NFIC: variants seen among roughly 807,000 people sequenced by gnomAD.
NFIC encodes nuclear factor 1 C-type.
Under a neutral mutation model 54.4 loss-of-function variants are expected in NFIC, and 12 were observed. The observed-to-expected ratio is 0.22, with a 90% CI of 0.14 to 0.36. The LOEUF (loss-of-function observed/expected upper bound fraction) is 0.36. Ranked by LOEUF, NFIC falls within the 10% of genes least tolerant of loss-of-function variation. The pLI is 1.00. For synonymous variants in NFIC, 322 were observed against 319.2 expected (o/e 1.01, Z -0.09); for missense variants, 575 against 718.2 (o/e 0.80, Z 2.28).
chr19:3,454,016 T>C, intron 9 of NFIC, 100 bp downstream of exon 9: 1 of 1,398,314 alleles, frequency 7.2e-7, no homozygotes, highest in Non-Finnish European at 9.2e-7. Flanking sequence ...GGCCCGACCC[T>C]GCAGGGCCTG....
At chr19:3,429,284 ACACACACACACT>A (rs2082083932) in intron 3 of NFIC, among the ~76,000 whole-genome samples, 3 of 141,758 alleles carry the variant, frequency 2.1e-5, no homozygotes, top group African/African-American at 5.4e-5. Context: ...ACACACACAC[ACACACACACACT>A]AGCCAAACAC....
At chr19:3,450,011 C>A (rs552082498) in intron 7 of NFIC, among the ~76,000 whole-genome samples, 1 of 148,736 alleles carries the variant, frequency 6.7e-6, no homozygotes, top group East Asian at 2.0e-4. Context: ...GGCGAGTTCA[C>A]GCCATTGCAC....
At chr19:3,420,923 A>G (rs973336769) in intron 2 of NFIC, among the ~76,000 whole-genome samples, 2 of 152,134 alleles carry the variant, frequency 1.3e-5, no homozygotes, top group East Asian at 1.9e-4. Flanking sequence ...GGGTTTCACC[A>G]TGTGGGGCAG....
intron 2 of NFIC, among the ~76,000 whole-genome samples, chr19:3,408,283 G>A (rs1360322375): frequency 2.0e-5 from 3 of 152,126 alleles, no homozygotes; most frequent in Non-Finnish European, 2.9e-5. Context: ...AGCAAGTCCT[G>A]TCCTTCCTAC....
chr19:3,403,959 G>T (rs2081598569), intron 2 of NFIC, among the ~76,000 whole-genome samples: 1 of 152,158 alleles, frequency 6.6e-6, no homozygotes, highest in Non-Finnish European at 1.5e-5. Context: ...GGGGACGCCC[G>T]TGTGTGCGCT....
rs889608832 is a variant in NFIC at position 3,452,845 on chromosome 19, G to A, written c.1269+179G>A. 2.6e-5 allele frequency among the ~76,000 whole-genome samples: 4 copies of A among 152,316 alleles called. No individual in the cohort carries two copies. The highest frequency in any genetic ancestry group is 1.9e-4 in the East Asian group (1 of 5,180). On this transcript the variant is annotated intron_variant, in intron 8 of 10. Coordinates refer to ENST00000443272, the MANE Select transcript of NFIC (RefSeq NM_001245002.2). This position sits in a 1 kb window ranked among gnomAD's most constrained non-coding sequence, Gnocchi z 5.3. ...ATTGGGTCAGAATTGAGATGCTTTC[G>A]GATGTCAGGGTTTCGGGCGCATCAT...
At chr19:3,398,785 C>G (rs138195178) in intron 2 of NFIC, among the ~76,000 whole-genome samples, 1 of 152,270 alleles carries the variant, frequency 6.6e-6, no homozygotes, top group Non-Finnish European at 1.5e-5. Flanking sequence ...GCAGCCGGCC[C>G]GCTTACATAA....
rs1001318067 is a variant in NFIC at position 3,416,944 on chromosome 19, C to T, written c.563-8162C>T. Among the ~76,000 whole-genome samples the T allele has an allele frequency of 1.8e-3, 273 of 150,168 alleles. 1 individual carries two copies. Among genetic ancestry groups the T allele is most frequent in the African/African-American group, 6.1e-3 (248 of 40,836 alleles). On this transcript the variant is annotated intron_variant, in intron 2 of 10. Coordinates refer to ENST00000443272, the MANE Select transcript of NFIC (RefSeq NM_001245002.2). The stretch of plus-strand genomic sequence containing the variant: ...CGTCGCCCAGGCTGGAGTGCAGTGG[C>T]GCGATCTCGGCTCACTGCAAGCTCC...
At position 3,401,307 on chromosome 19, in the gene NFIC, G is replaced by A. The variant is rs553967709; in HGVS notation, c.562+19064G>A. On this transcript the variant is annotated intron_variant, in intron 2 of 10. Transcript: ENST00000443272. Reference sequence around the variant, plus strand: ...TGCTCACAGGCACCCTCTGCCTGCTGCAGGGAGGACAGACTGTGGGGGGTG... The same window carrying A: ...TGCTCACAGGCACCCTCTGCCTGCTACAGGGAGGACAGACTGTGGGGGGTG... 1.9e-4 allele frequency among the ~76,000 whole-genome samples: 29 copies of A among 152,204 alleles called. No individual in the cohort carries two copies. The South Asian group carries it at 6.0e-3, about 32-fold the overall frequency.
intron 3 of NFIC, among the ~76,000 whole-genome samples, chr19:3,431,360 CTTTTTTTTTTTTT>C (rs71164702): frequency 2.7e-4 from 23 of 84,168 alleles, no homozygotes; most frequent in Non-Finnish European, 3.8e-4. Flanking sequence ...TTTCCTTCTT[CTTTTTTTTTTTTT>C]TTTTTTTTTT....
At chr19:3,425,260 A>G (rs1299860044) in intron 3 of NFIC, 83 bp downstream of exon 3, 1 of 1,455,686 alleles carries the variant, frequency 6.9e-7, no homozygotes, top group Non-Finnish European at 9.3e-7. Flanking sequence ...TTTGCTTGGC[A>G]CCACTCGTTT....
At position 3,463,403 on chromosome 19, in the gene NFIC, G is replaced by T; in HGVS notation, c.*634G>T. The T allele has an allele frequency of 1.0e-6, 1 of 985,652 alleles. No individual in the cohort carries two copies. Among genetic ancestry groups the T allele is most frequent in the Non-Finnish European group, 1.2e-6 (1 of 830,128 alleles). The allele number at this position is 985,652 out of a possible 1,614,324, so 61.1% of individuals were successfully genotyped here. On this transcript the variant is annotated 3_prime_UTR_variant, in exon 11 of 11. Coordinates refer to ENST00000443272, the MANE Select transcript of NFIC (RefSeq NM_001245002.2). ...CGCAGAGGCGGGCAGGGTGGGGCAG[G>T]CGAGTGGTGTCGCGGGGGTGCGTGG...
intron 2 of NFIC, among the ~76,000 whole-genome samples, chr19:3,390,498 C>T (rs1196127166): frequency 2.0e-5 from 3 of 152,136 alleles, no homozygotes; most frequent in African/African-American, 2.4e-5. Flanking sequence ...GATCACACCC[C>T]TCTGCTCTGG....
At chr19:3,403,083 G>T (rs547395228) in intron 2 of NFIC, among the ~76,000 whole-genome samples, 1 of 152,302 alleles carries the variant, frequency 6.6e-6, no homozygotes, top group African/African-American at 2.4e-5. Flanking sequence ...TTCATATTGG[G>T]TGCCTACTGT....
rs536572799 is a variant in NFIC at position 3,452,286 on chromosome 19, C to G, written c.1085-196C>G. ...TTAAAACACAAGGATAATATCACAG[C>G]CCCAGTGGGGTTGCCGTGGGAGTCG... On this transcript the variant is annotated intron_variant, in intron 7 of 10. Transcript: ENST00000443272. This position sits in a 1 kb window ranked among gnomAD's most constrained non-coding sequence, Gnocchi z 5.3. Among the ~76,000 whole-genome samples, 1 of 152,006 alleles carries G rather than the reference C, an allele frequency of 6.6e-6. No individual in the cohort carries two copies. Among genetic ancestry groups the G allele is most frequent in the African/African-American group, 2.4e-5 (1 of 41,366 alleles).
At chr19:3,418,133 C>T (rs1221881830) in intron 2 of NFIC, among the ~76,000 whole-genome samples, 1 of 145,602 alleles carries the variant, frequency 6.9e-6, no homozygotes, top group African/African-American at 2.6e-5. Flanking sequence ...TAGTCTCGCT[C>T]TGTCACCCAA....
At position 3,369,037 on chromosome 19, in the gene NFIC, T is replaced by C. The variant is rs546487821; in HGVS notation, c.30+2371T>C. 4.8e-4 allele frequency among the ~76,000 whole-genome samples: 73 copies of C among 151,892 alleles called. No individual in the cohort carries two copies. The highest frequency in any genetic ancestry group is 1.7e-3 in the African/African-American group (69 of 41,402). On this transcript the variant is annotated intron_variant, in intron 1 of 10. Transcript: ENST00000443272. The surrounding 1 kb of genome is among the most constrained non-coding windows in gnomAD (Gnocchi z 4.3). ...GGTCTCTTTGTGTCTCTCTTTCTCA[T>C]CCTCTGTCTCTCTGATGTCTCAGTC... is the stretch of plus-strand genomic sequence containing the variant.
intron 1 of NFIC, among the ~76,000 whole-genome samples, chr19:3,378,349 G>C (rs1044801987): frequency 3.2e-4 from 48 of 151,740 alleles, no homozygotes; most frequent in Non-Finnish European, 5.4e-4. Context: ...ACCCACCTCA[G>C]CCTCCCAAAG....
intron 2 of NFIC, among the ~76,000 whole-genome samples, chr19:3,395,283 C>A (rs146964342): frequency 6.6e-6 from 1 of 151,872 alleles, no homozygotes; most frequent in African/African-American, 2.4e-5. Flanking sequence ...CACTTCAATC[C>A]GGGAGGCAGA....
Sources: allele counts gnomAD v4.1 joint callset (sites outside exome capture counted in the v4.1 genomes callset), GRCh38; gene constraint gnomAD v4.1.1; non-coding constraint Gnocchi (gnomAD v3.1); transcripts MANE v1.5; gene names NCBI Gene and HGNC (gene_info 2026-07-23, HGNC 2026-07-21).